SCLY: variants seen among roughly 807,000 people sequenced by gnomAD.
SCLY encodes the protein putative selenocysteine lyase.
A neutral mutation model predicts 50.1 loss-of-function variants in SCLY; 38 were observed. That is an observed-to-expected ratio of 0.76 (90% CI 0.59 to 0.99). The LOEUF (loss-of-function observed/expected upper bound fraction) is 0.99, where lower values mean the gene tolerates loss of function less well. Among genes scored for constraint, SCLY ranks in the 50% least tolerant of loss-of-function variants. The probability of loss-of-function intolerance (pLI) is 0.00; values close to 1 mark genes in which losing one functional copy is unlikely to be tolerated. For synonymous variants in SCLY, 243 were observed against 249.4 expected, an observed-to-expected ratio of 0.97 and a Z score of 0.24; for missense variants, 600 against 620.0, an observed-to-expected ratio of 0.97 and a Z score of 0.34.
intron 7 of SCLY, among the ~76,000 whole-genome samples, chr2:238,084,152 C>A (rs536673720): frequency 1.6e-4 from 24 of 152,352 alleles, no homozygotes; most frequent in African/African-American, 5.8e-4. Flanking sequence ...CACACCACCA[C>A]CGGGTGTGTC....
At chr2:238,064,701 C>T in intron 2 of SCLY, 1 of 313,462 alleles carries the variant, frequency 3.2e-6, no homozygotes, top group Non-Finnish European at 5.9e-6. Context: ...ACATGCTGTC[C>T]TGTCACCCTT....
intron 4 of SCLY, among the ~76,000 whole-genome samples, chr2:238,072,033 C>T (rs1486268464): frequency 6.6e-6 from 1 of 151,926 alleles, no homozygotes; most frequent in Non-Finnish European, 1.5e-5. Context: ...CAAAAGAAAC[C>T]TTGTACCAGT....
At chr2:238,074,841 G>T (rs915396105) in intron 4 of SCLY, among the ~76,000 whole-genome samples, 4 of 152,098 alleles carry the variant, frequency 2.6e-5, no homozygotes, top group African/African-American at 9.7e-5. Flanking sequence ...TATATAGAGG[G>T]TCATATCATC....
At position 238,091,217 on chromosome 2, in the gene SCLY, G is replaced by T. The variant is rs1320087598; in HGVS notation, c.885-1G>T. 1.2e-6 allele frequency: 2 copies of T among 1,612,976 alleles called. No homozygotes were observed. Among genetic ancestry groups the T allele is most frequent in the Non-Finnish European group, 1.7e-6 (2 of 1,179,002 alleles). ...CTTGCTTAATCCCTTGTTTCTTACA[G>T]GACAGAGAACACCCCAATGATTGCT... On this transcript the variant is annotated splice_acceptor_variant, in intron 7 of 11. Coordinates refer to ENST00000254663, the MANE Select transcript of SCLY (RefSeq NM_016510.7). LOFTEE classifies it high-confidence loss of function.
At chr2:238,061,993 C>G (rs1182579639) in intron 1 of SCLY, among the ~76,000 whole-genome samples, 1 of 152,162 alleles carries the variant, frequency 6.6e-6, no homozygotes, top group Admixed American at 6.5e-5. Flanking sequence ...GGCATTCTAC[C>G]TTGGTTGGAA....
intron 2 of SCLY, among the ~76,000 whole-genome samples, chr2:238,065,936 G>C (rs1322138537): frequency 1.3e-5 from 2 of 152,078 alleles, no homozygotes; most frequent in Non-Finnish European, 2.9e-5. Context: ...GCCTCCCACA[G>C]TGCTGGGATT....
In SCLY at chr2:238,098,311, C is replaced by G; in HGVS notation, c.1294C>G (p.Gln432Glu). The G allele has an allele frequency of 6.2e-7, 1 of 1,607,510 alleles. No individual in the cohort carries two copies. The highest frequency in any genetic ancestry group is 8.5e-7 in the Non-Finnish European group (1 of 1,179,370). The change falls in exon 12 of 12, where the codon CAG becomes GAG. Residue 432 changes from glutamine (Q) to glutamate (E), a missense_variant. Physicochemically the swap from Gln to Glu is conservative, Grantham distance 29 (BLOSUM62 2). Coordinates refer to ENST00000254663, the MANE Select transcript of SCLY (RefSeq NM_016510.7). ...CAGGGCCGAGGTGGACCTCGTCGTGCAGGACCTGAAGCAGGCCGTGGCGCA... is the reference window on the plus strand; with the variant it reads ...CAGGGCCGAGGTGGACCTCGTCGTGGAGGACCTGAAGCAGGCCGTGGCGCA... ...TTRAEVDLVV[Q>E]DLKQAVAQLE...
rs1244247305 is a variant in SCLY at position 238,098,577 on chromosome 2, GGGACCGCCCACATAGGACCGCCCACATA to G, written c.*236_*263del. 18 of 337,072 alleles carry G rather than the reference GGGACCGCCCACATAGGACCGCCCACATA, an allele frequency of 5.3e-5. 1 individual carries two copies. The highest frequency in any genetic ancestry group is 3.3e-4 in the East Asian group (6 of 18,336). The allele number at this position is 337,072 out of a possible 1,614,324, so 20.9% of individuals were successfully genotyped here. On this transcript the variant is annotated 3_prime_UTR_variant, in exon 12 of 12. Transcript: ENST00000254663. Reference sequence around the variant, plus strand: ...CAACGCCGCATAGGACTGCCCACATGGGACCGCCCACATAGGACCGCCCACATAGGACCGCCCACATGGGACCGCCCAC... The same window carrying G: ...CAACGCCGCATAGGACTGCCCACATGGGACCGCCCACATGGGACCGCCCAC...
intron 8 of SCLY, chr2:238,091,542 A>ACC: frequency 1.9e-5 from 7 of 361,594 alleles, no homozygotes; most frequent in South Asian, 7.1e-5. Flanking sequence ...GTCAAGCTGC[A>ACC]GGTTCACCAT....
chr2:238,080,557 A>C (rs1189564767), intron 4 of SCLY: 4 of 152,310 alleles, frequency 2.6e-5, no homozygotes, highest in African/African-American at 9.7e-5. Flanking sequence ...GACCCCCCCA[A>C]CTTTTCTCGT....
chr2:238,096,583 G>A (rs746236735), intron 10 of SCLY, among the ~76,000 whole-genome samples: 1 of 152,266 alleles, frequency 6.6e-6, no homozygotes, highest in Non-Finnish European at 1.5e-5. Context: ...TTGTGAGGCA[G>A]AATAGTGTCT....
intron 8 of SCLY, 27 bp from the exon 9 acceptor site, chr2:238,093,834 A>G: frequency 6.3e-7 from 1 of 1,585,770 alleles, no homozygotes; most frequent in Non-Finnish European, 8.6e-7. Flanking sequence ...AGAATTGTGC[A>G]TCCACTTGTT....
chr2:238,081,681 C>A (rs3739051), intron 4 of SCLY, 28 bp from the exon 5 acceptor site: 5 of 1,604,836 alleles, frequency 3.1e-6, no homozygotes, highest in South Asian at 1.1e-5. Context: ...TTGTGCAGCT[C>A]AGTTCGGTAC....
intron 1 of SCLY, among the ~76,000 whole-genome samples, chr2:238,064,067 G>T (rs1341805087): frequency 6.6e-6 from 1 of 152,190 alleles, no homozygotes; most frequent in East Asian, 1.9e-4. Flanking sequence ...ACAATCCACT[G>T]TGCCTTGCTA....
At position 238,069,652 on chromosome 2, in the gene SCLY, G is replaced by A. The variant is rs2065108722; in HGVS notation, c.484+175G>A. The A allele has an allele frequency of 1.7e-6, 1 of 573,754 alleles. No homozygotes were observed. The highest frequency in any genetic ancestry group is 1.9e-5 in the African/African-American group (1 of 51,770). The allele number at this position is 573,754 out of a possible 1,614,324, so 35.5% of individuals were successfully genotyped here. On this transcript the variant is annotated intron_variant, in intron 4 of 11. Transcript: ENST00000254663. The surrounding 1 kb of genome is among the most constrained non-coding windows in gnomAD (Gnocchi z 5.0). ...GGCCCTGGCACCTTGGTGAATAGTT[G>A]CCCCTCACTGCACTGGGCTCCCTGG... is the stretch of plus-strand genomic sequence containing the variant.
At chr2:238,097,244 G>A (rs2065448017) in intron 11 of SCLY, among the ~76,000 whole-genome samples, 2 of 152,184 alleles carry the variant, frequency 1.3e-5, no homozygotes, top group African/African-American at 4.8e-5. Flanking sequence ...GGAGCCCTGA[G>A]GGCCATGGTG....
intron 2 of SCLY, among the ~76,000 whole-genome samples, chr2:238,065,438 G>T (rs1273657255): frequency 6.6e-6 from 1 of 152,124 alleles, no homozygotes; most frequent in Non-Finnish European, 1.5e-5. Flanking sequence ...TCTGGGAATC[G>T]CTCTCAGGGA....
intron 7 of SCLY, among the ~76,000 whole-genome samples, chr2:238,086,943 C>T (rs1464785266): frequency 1.1e-4 from 16 of 151,294 alleles, no homozygotes; most frequent in African/African-American, 3.6e-4. Flanking sequence ...CGCTTGAACC[C>T]GGGAGGCAGA....
intron 4 of SCLY, chr2:238,078,674 A>G (rs1382473957): frequency 6.6e-6 from 1 of 151,298 alleles, no homozygotes; most frequent in Admixed American, 6.6e-5. Flanking sequence ...CAAACTCAAC[A>G]GTGCATTGTT....
Sources: allele counts gnomAD v4.1 joint callset (sites outside exome capture counted in the v4.1 genomes callset), GRCh38; gene constraint gnomAD v4.1.1; non-coding constraint Gnocchi (gnomAD v3.1); transcripts MANE v1.5; gene names NCBI Gene and HGNC (gene_info 2026-07-23, HGNC 2026-07-21).